The following GABRB1 variants were observed in gnomAD, a reference collection of about 807,000 sequenced individuals.
GABRB1 encodes gamma-aminobutyric acid type A receptor subunit beta1.
GABRB1 carries 17 observed loss-of-function variants against 51.6 expected under a neutral mutation model. The observed-to-expected ratio is 0.33, with a 90% CI of 0.23 to 0.49. The LOEUF (loss-of-function observed/expected upper bound fraction) is 0.49, where lower values mean the gene tolerates loss of function less well. Ranked by LOEUF, GABRB1 falls within the 20% of genes least tolerant of loss-of-function variation. The pLI is 0.99. For synonymous variants in GABRB1, 247 were observed against 218.9 expected, an observed-to-expected ratio of 1.13 and a Z score of -1.14; for missense variants, 410 against 600.6, an observed-to-expected ratio of 0.68 and a Z score of 3.32.
intron 3 of GABRB1, among the ~76,000 whole-genome samples, chr4:47,045,215 T>C (rs1726030129): frequency 6.6e-6 from 1 of 152,070 alleles, no homozygotes; most frequent in African/African-American, 2.4e-5. Context: ...TAATTACCCA[T>C]GGACAACAAG....
chr4:47,324,280 C>A (rs1307980043), intron 5 of GABRB1, among the ~76,000 whole-genome samples: 1 of 152,106 alleles, frequency 6.6e-6, no homozygotes, highest in African/African-American at 2.4e-5. Context: ...CTTAGGCTGG[C>A]CCTGCCCGCT....
intron 4 of GABRB1, among the ~76,000 whole-genome samples, chr4:47,263,133 T>G (rs966307438): frequency 2.0e-5 from 3 of 151,716 alleles, no homozygotes; most frequent in African/African-American, 7.3e-5. Flanking sequence ...GCAGGGCACA[T>G]GTATACATAT....
At chr4:47,353,467 A>G (rs995515989) in intron 5 of GABRB1, among the ~76,000 whole-genome samples, 6 of 152,172 alleles carry the variant, frequency 3.9e-5, no homozygotes, top group Non-Finnish European at 7.4e-5. Context: ...GCTTTTGCAA[A>G]TCTTGGTATA....
At chr4:47,100,287 A>G (rs1366379674) in intron 3 of GABRB1, among the ~76,000 whole-genome samples, 1 of 152,066 alleles carries the variant, frequency 6.6e-6, no homozygotes, top group East Asian at 1.9e-4. Context: ...TATACCTAAT[A>G]GCCTAAAACG....
chr4:47,221,627 T>G (rs1720767193), intron 4 of GABRB1, among the ~76,000 whole-genome samples: 1 of 151,808 alleles, frequency 6.6e-6, no homozygotes, highest in Non-Finnish European at 1.5e-5. Context: ...CGTATAAAGG[T>G]GCCACAACCA....
At chr4:47,390,090 G>A (rs1417653276) in intron 5 of GABRB1, among the ~76,000 whole-genome samples, 2 of 152,154 alleles carry the variant, frequency 1.3e-5, no homozygotes, top group African/African-American at 2.4e-5. Context: ...CCTTTCCTCC[G>A]ACTATTGAAG....
At chr4:47,183,037 T>C (rs1364346041) in intron 4 of GABRB1, among the ~76,000 whole-genome samples, 1 of 151,920 alleles carries the variant, frequency 6.6e-6, no homozygotes, top group Non-Finnish European at 1.5e-5. Context: ...AGACCAATGT[T>C]ACTGTTACTG....
chr4:47,195,402 A>G (rs1278534838), intron 4 of GABRB1, among the ~76,000 whole-genome samples: 1 of 26,334 alleles, frequency 3.8e-5, no homozygotes, highest in Non-Finnish European at 8.5e-5. Flanking sequence ...GATGATAGAT[A>G]GATAGATAGA....
intron 5 of GABRB1, among the ~76,000 whole-genome samples, chr4:47,352,562 T>G (rs1726392711): frequency 6.6e-6 from 1 of 152,152 alleles, no homozygotes; most frequent in African/African-American, 2.4e-5. Flanking sequence ...AAAAAGCTTA[T>G]CCACCATGAT....
At chr4:47,042,373 GCATGTGTATGTGTATGTGTA>G (rs36224148) in intron 3 of GABRB1, among the ~76,000 whole-genome samples, 53,802 of 128,658 alleles carry the variant, frequency 0.42, 12,345 homozygotes, top group East Asian at 0.54. Flanking sequence ...AAATATCAAT[GCATGTGTATGTGTATGTGTA>G]CATGTATGTG....
intron 5 of GABRB1, among the ~76,000 whole-genome samples, chr4:47,356,591 A>C (rs1341471925): frequency 6.6e-6 from 1 of 152,236 alleles, no homozygotes; most frequent in Non-Finnish European, 1.5e-5. Flanking sequence ...TACCGTAGGT[A>C]AAATGGCCCT....
At chr4:47,191,618 G>GT (rs1719443147) in intron 4 of GABRB1, among the ~76,000 whole-genome samples, 1 of 152,064 alleles carries the variant, frequency 6.6e-6, no homozygotes, top group East Asian at 1.9e-4. Flanking sequence ...AGATAACAGT[G>GT]TTTTCACTCA....
chr4:47,127,455 G>T (rs1450455043), intron 3 of GABRB1, among the ~76,000 whole-genome samples: 3 of 151,628 alleles, frequency 2.0e-5, no homozygotes, highest in Non-Finnish European at 4.4e-5. Context: ...CAATGCCTAT[G>T]GGAATGAACT....
At chr4:47,393,388 G>A (rs1728073944) in intron 5 of GABRB1, among the ~76,000 whole-genome samples, 1 of 152,128 alleles carries the variant, frequency 6.6e-6, no homozygotes, top group African/African-American at 2.4e-5. Flanking sequence ...CTTTTTTCGA[G>A]GCGTGTGTAT....
chr4:47,327,473 G>A (rs567180822), intron 5 of GABRB1, among the ~76,000 whole-genome samples: 2 of 152,174 alleles, frequency 1.3e-5, no homozygotes, highest in African/African-American at 2.4e-5. Flanking sequence ...GGTGGTAAGT[G>A]TAATGAAACT....
chr4:47,300,003 C>T lies in GABRB1; in HGVS notation c.462-20124C>T, dbSNP rs557147347. Among the ~76,000 whole-genome samples the T allele has an allele frequency of 1.3e-3, 202 of 149,642 alleles. 2 individuals are homozygous for T. The highest frequency in any genetic ancestry group is 2.2e-3 in the Non-Finnish European group (151 of 67,784). On this transcript the variant is annotated intron_variant, in intron 4 of 8. Coordinates refer to ENST00000295454, the MANE Select transcript of GABRB1 (RefSeq NM_000812.4). ...ACTATCGCAAGGACAAAAATCCAAA[C>T]ACCACATGTTCTCACTCATAGGTGG...
intron 5 of GABRB1, among the ~76,000 whole-genome samples, chr4:47,373,678 CATTAAATTTGT>C (rs1314803287): frequency 4.6e-5 from 7 of 152,138 alleles, no homozygotes; most frequent in Admixed American, 2.0e-4. Flanking sequence ...TGTAAATGCA[CATTAAATTTGT>C]AAATTTAATG....
At chr4:47,163,514 A>G (rs1262410529) in intron 4 of GABRB1, among the ~76,000 whole-genome samples, 1 of 152,018 alleles carries the variant, frequency 6.6e-6, no homozygotes, top group African/African-American at 2.4e-5. Flanking sequence ...AGAGCTGAAG[A>G]CAATAGATAC....
chr4:47,342,094 G>T (rs976361373), intron 5 of GABRB1, among the ~76,000 whole-genome samples: 2 of 152,158 alleles, frequency 1.3e-5, no homozygotes, highest in Non-Finnish European at 2.9e-5. Flanking sequence ...TAAAGATTCA[G>T]TGAGCATATC....
Sources: allele counts gnomAD v4.1 joint callset (sites outside exome capture counted in the v4.1 genomes callset), GRCh38; gene constraint gnomAD v4.1.1; transcripts MANE v1.5; gene names NCBI Gene and HGNC (gene_info 2026-07-23, HGNC 2026-07-21).